The following SRGAP1 variants were observed in gnomAD, a reference collection of about 807,000 sequenced individuals.
SRGAP1 encodes SLIT-ROBO Rho GTPase activating protein 1, also known as SLIT-ROBO Rho GTPase-activating protein 1.
In SRGAP1, 43 loss-of-function variants were observed where a neutral mutation model predicts 121.9. That is an observed-to-expected ratio of 0.35 (90% confidence interval 0.28 to 0.46). The LOEUF is 0.46. Ranked by LOEUF, SRGAP1 falls within the 20% of genes least tolerant of loss-of-function variation. The pLI is 1.00. For synonymous variants in SRGAP1, 447 were observed against 485.4 expected (o/e 0.92, Z 1.04); for missense variants, 1,102 against 1,350.9 (o/e 0.82, Z 2.89).
rs374970628 is a variant in SRGAP1 at position 63,951,467 on chromosome 12, A to G, written c.68-32480A>G. On this transcript the variant is annotated intron_variant, in intron 1 of 21. Transcript: ENST00000355086. ...GCATAAGCCACTGCACCCGGCCTTC[A>G]TTTAGAACTATTTTAACCACTGCCC... is the stretch of plus-strand genomic sequence containing the variant. 3.3e-5 allele frequency among the ~76,000 whole-genome samples: 5 copies of G among 152,154 alleles called. No individual in the cohort carries two copies. The East Asian group carries it at 9.7e-4, about 30-fold the overall frequency.
rs1044312851 is a variant in SRGAP1, at chr12:64,097,330, C to T, written c.1768C>T (p.Pro590Ser). The T allele has an allele frequency of 6.2e-7, 1 of 1,613,444 alleles. No individual in the cohort carries two copies. The highest frequency in any genetic ancestry group is 1.3e-5 in the African/African-American group (1 of 74,908). Residue 590 changes from proline (P) to serine (S), a missense_variant, in exon 15 of 22, where the codon CCC (proline) becomes TCC (serine). By Grantham distance (74) the Pro-to-Ser change is moderately conservative. Transcript: ENST00000355086. ...GCTCTATTTCCGTGGGCTGGAAAAC[C>T]CCCTCTTTCCTAAGGAAAGATTTAA... ...LKLYFRGLEN[P>S]LFPKERFNDL...
intron 3 of SRGAP1, among the ~76,000 whole-genome samples, chr12:63,991,995 C>T (rs187939986): frequency 2.0e-5 from 3 of 152,210 alleles, no homozygotes; most frequent in African/African-American, 4.8e-5. Context: ...AAATTGTTCT[C>T]AGAAAGGGGA....
rs2037058930 is a variant in SRGAP1, at chr12:64,146,768, C to T, written c.*4096C>T. 1 of 152,050 alleles carries T rather than the reference C, an allele frequency of 6.6e-6. No homozygotes were observed. The highest frequency in any genetic ancestry group is 1.5e-5 in the Non-Finnish European group (1 of 68,034). The allele number at this position is 152,050 out of a possible 1,614,324, so 9.4% of individuals were successfully genotyped here. A position where few individuals can be genotyped will look rare whatever the true frequency, so the allele number is the denominator to read the frequency against. On this transcript the variant is annotated 3_prime_UTR_variant, in exon 22 of 22. Transcript: ENST00000355086. The stretch of plus-strand genomic sequence containing the variant: ...TGCCACCCACCTCCCAAGTTGAGAA[C>T]ACAAGCTCCAGCTGGGCTGGAGAGT...
Position 63,855,536 on chromosome 12 carries a change from A to C in SRGAP1, c.67+10653A>C, listed in dbSNP as rs769838250. 2.5e-4 allele frequency among the ~76,000 whole-genome samples: 28 copies of C among 113,824 alleles called. No homozygotes were observed. The East Asian group carries it at 6.0e-3, about 25-fold the overall frequency. 74.7% of individuals were successfully genotyped at this position (113,824 alleles called of 152,430 possible). A position where few individuals can be genotyped will look rare whatever the true frequency, so the allele number is the denominator to read the frequency against. On this transcript the variant is annotated intron_variant, in intron 1 of 21. Transcript: ENST00000355086. ...AGAGTCTCACTCTATCAGCCAGGCTAGGGTGCAGTGGCACCATCTCTATGG... is the reference window on the plus strand; with the variant it reads ...AGAGTCTCACTCTATCAGCCAGGCTCGGGTGCAGTGGCACCATCTCTATGG...
At chr12:64,119,237 T>G (rs1265611751) in intron 18 of SRGAP1, among the ~76,000 whole-genome samples, 1 of 152,220 alleles carries the variant, frequency 6.6e-6, no homozygotes, top group East Asian at 1.9e-4. Context: ...GGCTCTATTC[T>G]TTTCTACTAG....
At chr12:63,920,989 A>C (rs111837497) in intron 1 of SRGAP1, among the ~76,000 whole-genome samples, 1 of 152,214 alleles carries the variant, frequency 6.6e-6, no homozygotes, top group African/African-American at 2.4e-5. Context: ...TCAATTAAAC[A>C]TGTACAAAAC....
chr12:63,869,780 A>T (rs1899787265), intron 1 of SRGAP1, among the ~76,000 whole-genome samples: 1 of 152,220 alleles, frequency 6.6e-6, no homozygotes, highest in Non-Finnish European at 1.5e-5. Context: ...GGCAAAAACC[A>T]ATATTACTTT....
chr12:64,119,475 A>G (rs1361045845), intron 18 of SRGAP1, among the ~76,000 whole-genome samples: 1 of 152,178 alleles, frequency 6.6e-6, no homozygotes, highest in Non-Finnish European at 1.5e-5. Flanking sequence ...GGGAGAATTA[A>G]TATCGTTACA....
At chr12:63,971,102 C>T (rs549667050) in intron 1 of SRGAP1, among the ~76,000 whole-genome samples, 11 of 152,330 alleles carry the variant, frequency 7.2e-5, no homozygotes, top group South Asian at 2.1e-4. Context: ...AGTACCCTTT[C>T]GGAGCCCACC....
At chr12:64,141,039 G>A (rs1430195456) in intron 21 of SRGAP1, among the ~76,000 whole-genome samples, 6 of 129,508 alleles carry the variant, frequency 4.6e-5, no homozygotes, top group Non-Finnish European at 9.5e-5. Flanking sequence ...ACCAAACACC[G>A]CATATTCTCA....
At chr12:64,080,617 T>G in intron 10 of SRGAP1, 3 of 545,606 alleles carry the variant, frequency 5.5e-6, no homozygotes, top group Non-Finnish European at 1.0e-5. Context: ...ACCGAGCTCC[T>G]AGGGAGGGAT....
chr12:63,899,133 G>C (rs2136304182), intron 1 of SRGAP1, among the ~76,000 whole-genome samples: 1 of 152,278 alleles, frequency 6.6e-6, no homozygotes, highest in Non-Finnish European at 1.5e-5. Flanking sequence ...AGCACTCCTA[G>C]CACTTTGGGA....
At chr12:63,934,945 G>T (rs1457754272) in intron 1 of SRGAP1, among the ~76,000 whole-genome samples, 1 of 152,188 alleles carries the variant, frequency 6.6e-6, no homozygotes, top group African/African-American at 2.4e-5. Flanking sequence ...TAGTGGAGAT[G>T]GAGAATAGAA....
At chr12:63,989,485 C>T (rs189955748) in intron 2 of SRGAP1, among the ~76,000 whole-genome samples, 1 of 152,332 alleles carries the variant, frequency 6.6e-6, no homozygotes, top group East Asian at 1.9e-4. Flanking sequence ...TTTCCAGCAA[C>T]ATACTGAACA....
At position 64,147,228 on chromosome 12, in the gene SRGAP1, G is replaced by T; in HGVS notation, c.*4556G>T. 2.8e-6 allele frequency: 1 copy of T among 351,578 alleles called. No individual in the cohort carries two copies. The highest frequency in any genetic ancestry group is 4.2e-5 in the East Asian group (1 of 23,748). 21.8% of individuals were successfully genotyped at this position (351,578 alleles called of 1,614,324 possible). On this transcript the variant is annotated 3_prime_UTR_variant, in exon 22 of 22. Coordinates refer to ENST00000355086, the MANE Select transcript of SRGAP1 (RefSeq NM_020762.4). The stretch of plus-strand genomic sequence containing the variant: ...TGTCGGTTTGATCAATTGCGGTACC[G>T]GTAGCTTCCTGCTTGTGACTGTTAC...
intron 21 of SRGAP1, among the ~76,000 whole-genome samples, chr12:64,133,830 G>A (rs2036820715): frequency 6.6e-6 from 1 of 152,010 alleles, no homozygotes; most frequent in Non-Finnish European, 1.5e-5. Context: ...GAATGCAGTA[G>A]GCTTCCTATC....
At chr12:63,863,679 A>G (rs1349226798) in intron 1 of SRGAP1, among the ~76,000 whole-genome samples, 1 of 152,244 alleles carries the variant, frequency 6.6e-6, no homozygotes, top group African/African-American at 2.4e-5. Flanking sequence ...TTTCCAGACT[A>G]TTGTTCTAGA....
chr12:63,909,730 G>A (rs1290049611), intron 1 of SRGAP1, among the ~76,000 whole-genome samples: 2 of 152,246 alleles, frequency 1.3e-5, no homozygotes, highest in Non-Finnish European at 2.9e-5. Flanking sequence ...GCTTATAACA[G>A]TGTGTATTAA....
At position 64,049,620 on chromosome 12, in the gene SRGAP1, G is replaced by A. The variant is rs527730032; in HGVS notation, c.801+6045G>A. ...GAACTACAATTCAAGATGAGATTTC[G>A]GTGGGGACACAGCCAAACCATATCA... On this transcript the variant is annotated intron_variant, in intron 6 of 21. Transcript: ENST00000355086. 3.1e-4 allele frequency among the ~76,000 whole-genome samples: 47 copies of A among 152,210 alleles called. No individual in the cohort carries two copies. The South Asian group carries it at 8.1e-3, about 26-fold the overall frequency.
Sources: allele counts gnomAD v4.1 joint callset (sites outside exome capture counted in the v4.1 genomes callset), GRCh38; gene constraint gnomAD v4.1.1; transcripts MANE v1.5; gene names NCBI Gene and HGNC (gene_info 2026-07-23, HGNC 2026-07-21).